The following COL6A6 variants were observed in gnomAD, a reference collection of about 807,000 sequenced individuals.
The protein encoded by COL6A6 is collagen type VI alpha 6 chain.
A neutral mutation model predicts 208.6 loss-of-function variants in COL6A6; 183 were observed. The ratio of observed to expected loss-of-function variants is 0.88; its 90% confidence interval spans 0.78 to 0.99. COL6A6 has a LOEUF of 0.99. Ranked by LOEUF, COL6A6 falls within the 50% of genes least tolerant of loss-of-function variation. COL6A6 has a pLI of 0.00. For synonymous variants in COL6A6, 973 were observed against 1,011.8 expected, an observed-to-expected ratio of 0.96 and a Z score of 0.73; for missense variants, 2,816 against 2,815.2, an observed-to-expected ratio of 1.00 and a Z score of -0.01.
chr3:130,667,365 T>C (rs965798420), intron 36 of COL6A6, among the ~76,000 whole-genome samples: 7 of 152,114 alleles, frequency 4.6e-5, no homozygotes, highest in African/African-American at 1.7e-4. Flanking sequence ...GCCTCCCAAG[T>C]AGCTGGGATT....
chr3:130,565,763 T>A, intron 4 of COL6A6, 149 bp downstream of exon 4: 1 of 985,582 alleles, frequency 1.0e-6, no homozygotes, highest in Non-Finnish European at 1.4e-6. Flanking sequence ...ATATGAAGCC[T>A]AATTTGGGGA....
chr3:130,527,890 C>CTTTTTTTTTTTTT (rs56110472), intron 1 of COL6A6, among the ~76,000 whole-genome samples: 19 of 57,840 alleles, frequency 3.3e-4, no homozygotes, highest in Middle Eastern at 0.012. Flanking sequence ...GTTACTTTTC[C>CTTTTTTTTTTTTT]TTTTTTTTTT....
chr3:130,607,057 C>T (rs2064204581), intron 21 of COL6A6, 91 bp downstream of exon 21: 2 of 997,692 alleles, frequency 2.0e-6, no homozygotes, highest in African/African-American at 1.6e-5. Context: ...TCTAAACTTC[C>T]CTTTTTGATG....
chr3:130,658,320 G>A (rs1260987875), intron 33 of COL6A6, among the ~76,000 whole-genome samples: 4 of 152,086 alleles, frequency 2.6e-5, no homozygotes, highest in African/African-American at 9.7e-5. Context: ...TCACTGTATT[G>A]CTGCAGTAAT....
upstream of COL6A6, among the ~76,000 whole-genome samples, chr3:130,516,766 T>C (rs1710761473): frequency 6.6e-6 from 1 of 152,104 alleles, no homozygotes; most frequent in Non-Finnish European, 1.5e-5. Flanking sequence ...AAAGACTCTC[T>C]CTGGCTCCCT....
At chr3:130,662,712 C>G (rs2065968201) in intron 35 of COL6A6, among the ~76,000 whole-genome samples, 1 of 152,018 alleles carries the variant, frequency 6.6e-6, no homozygotes, top group African/African-American at 2.4e-5. Flanking sequence ...AAAAAGAGAG[C>G]CAAAGAAAAA....
At chr3:130,604,161 C>T (rs1208216054) in intron 20 of COL6A6, among the ~76,000 whole-genome samples, 2 of 152,156 alleles carry the variant, frequency 1.3e-5, no homozygotes, top group African/African-American at 4.8e-5. Flanking sequence ...CACAGCAACC[C>T]AATATATCTC....
At chr3:130,639,763 C>G (rs1203793921) in intron 28 of COL6A6, among the ~76,000 whole-genome samples, 1 of 151,372 alleles carries the variant, frequency 6.6e-6, no homozygotes, top group Non-Finnish European at 1.5e-5. Context: ...CTACCGGTTT[C>G]CCAAAGAGAG....
At chr3:130,669,742 A>G (rs1352389850) in intron 36 of COL6A6, among the ~76,000 whole-genome samples, 1 of 152,218 alleles carries the variant, frequency 6.6e-6, no homozygotes, top group Non-Finnish European at 1.5e-5. Context: ...ACAAAGGCAA[A>G]AGTCAGTTCT....
chr3:130,593,278 A>T, intron 17 of COL6A6, 26 bp downstream of exon 17: 1 of 1,575,634 alleles, frequency 6.3e-7, no homozygotes, highest in Non-Finnish European at 8.7e-7. Context: ...GGAAGAACAT[A>T]AAAATTGTAC....
intron 33 of COL6A6, among the ~76,000 whole-genome samples, chr3:130,656,909 C>T (rs959713180): frequency 6.6e-6 from 1 of 152,242 alleles, no homozygotes; most frequent in African/African-American, 2.4e-5. Context: ...GCTCCAAGAT[C>T]AGAGCAGGTG....
intron 26 of COL6A6, among the ~76,000 whole-genome samples, chr3:130,628,926 A>G (rs1313513057): frequency 1.0e-5 from 1 of 100,220 alleles, no homozygotes; most frequent in Non-Finnish European, 1.7e-5. Context: ...CCAAAAGTAG[A>G]TAAAACCACA....
Position 130,649,520 on chromosome 3 carries a change from G to C in COL6A6, c.5691G>C (p.Val1897=). 6.2e-7 allele frequency: 1 copy of C among 1,602,762 alleles called. No homozygotes were observed. Among genetic ancestry groups the C allele is most frequent in the Non-Finnish European group, 8.5e-7 (1 of 1,174,316 alleles). The change falls in exon 33 of 37, where the codon GTG becomes GTC. Residue 1897 remains valine, a synonymous_variant. Coordinates refer to ENST00000358511, the MANE Select transcript of COL6A6 (RefSeq NM_001102608.3). ...GCGCGCTTGAAATCATTCCCGTGGT[G>C]ATCACTTTCAGCAACGTGCCCTCGG... ...EFGALEIIPV[V]ITFSNVPSVR... is the part of the protein sequence containing the mutation.
chr3:130,594,105 A>G (rs1016465966), intron 17 of COL6A6, among the ~76,000 whole-genome samples, 176 bp from the exon 18 acceptor site: 1 of 152,360 alleles, frequency 6.6e-6, no homozygotes, highest in South Asian at 2.1e-4. Context: ...GTTCACTATT[A>G]AATTATTTAT....
Position 130,565,428 on chromosome 3 carries a change from G to A in COL6A6, c.1096G>A (p.Gly366Ser), listed in dbSNP as rs762659584. 1 of 1,613,750 alleles carries A rather than the reference G, an allele frequency of 6.2e-7. No homozygotes were observed. Among genetic ancestry groups the A allele is most frequent in the East Asian group, 2.2e-5 (1 of 44,858 alleles). ...RREGVTIFTL[G>S]IEGASDTQLE... ...GGAGGGTGTGACCATCTTCACCCTGGGCATAGAGGGCGCCAGCGACACCCA... is the reference window on the plus strand; with the variant it reads ...GGAGGGTGTGACCATCTTCACCCTGAGCATAGAGGGCGCCAGCGACACCCA... The change falls in exon 4 of 37, where the codon GGC (glycine) becomes AGC (serine). Residue 366 changes from glycine to serine, a missense_variant. By Grantham distance (56) the Gly-to-Ser change is moderately conservative. Transcript: ENST00000358511.
At chr3:130,671,022 CCTGGCTTGACTT>C (rs1176771959) in intron 36 of COL6A6, among the ~76,000 whole-genome samples, 2 of 152,160 alleles carry the variant, frequency 1.3e-5, no homozygotes, top group Admixed American at 6.5e-5. Flanking sequence ...AGGGGAGATG[CCTGGCTTGACTT>C]CTGGCTGTTG....
At chr3:130,634,208 A>ATT (rs2065030077) in intron 26 of COL6A6, among the ~76,000 whole-genome samples, 1 of 132,748 alleles carries the variant, frequency 7.5e-6, no homozygotes, top group Admixed American at 7.6e-5. Flanking sequence ...ATGTTAAAAA[A>ATT]AAAAATAAAT....
intron 1 of COL6A6, among the ~76,000 whole-genome samples, chr3:130,525,026 T>C (rs1054860410): frequency 6.6e-6 from 1 of 152,218 alleles, no homozygotes; most frequent in Non-Finnish European, 1.5e-5. Flanking sequence ...TTAAACATAT[T>C]ATATACATTA....
rs1660881215 is a variant in COL6A6 at position 130,662,308 on chromosome 3, CG to C, written c.6502+1del. ...GAAGTCCTTTATAAACTCAATCAGG[CG>C]TAAGTCATAAAATCTGTTGTTCTCT... On this transcript the variant is annotated splice_donor_variant, in intron 35 of 36. Coordinates refer to ENST00000358511, the MANE Select transcript of COL6A6 (RefSeq NM_001102608.3). LOFTEE classifies it high-confidence loss of function. 1.2e-6 allele frequency: 2 copies of C among 1,607,866 alleles called. No individual in the cohort carries two copies. Among genetic ancestry groups the C allele is most frequent in the South Asian group, 1.1e-5 (1 of 90,762 alleles).
Sources: gnomAD v4.1 joint callset for allele counts (sites outside exome capture counted in the v4.1 genomes callset) on GRCh38, gnomAD v4.1.1 for gene constraint, MANE v1.5 for transcripts, NCBI Gene and HGNC (gene_info 2026-07-23, HGNC 2026-07-21) for gene names.